Variants in ATP2A3 observed in about 807,000 individuals in gnomAD.
ATP2A3 encodes ATPase sarcoplasmic/endoplasmic reticulum Ca2+ transporting 3, also known as sarcoplasmic/endoplasmic reticulum calcium ATPase 3.
Under a neutral mutation model 106.8 loss-of-function variants are expected in ATP2A3, and 61 were observed. That is an observed-to-expected ratio of 0.57 (90% CI 0.46 to 0.71). The LOEUF (loss-of-function observed/expected upper bound fraction) is 0.71, where lower values mean the gene tolerates loss of function less well. Ranked by LOEUF, ATP2A3 falls within the 30% of genes least tolerant of loss-of-function variation. ATP2A3 has a pLI of 0.00. For missense variants in ATP2A3, 1,201 were observed against 1,423.5 expected, an observed-to-expected ratio of 0.84 and a Z score of 2.52; for synonymous variants, 611 against 609.3, an observed-to-expected ratio of 1.00 and a Z score of -0.04.
chr17:3,954,181 A>C (rs2054619514), intron 1 of ATP2A3, among the ~76,000 whole-genome samples: 1 of 152,032 alleles, frequency 6.6e-6, no homozygotes, highest in Admixed American at 6.6e-5. Flanking sequence ...CCTCAAATGG[A>C]GAACACCAGC....
Position 3,955,882 on chromosome 17 carries a change from A to AT in ATP2A3, c.119-2173dup, listed in dbSNP as rs1242154310. Among the ~76,000 whole-genome samples, 72 of 142,868 alleles carry AT rather than the reference A, an allele frequency of 5.0e-4. No homozygotes were observed. Among genetic ancestry groups the AT allele is most frequent in the African/African-American group, 1.4e-3 (54 of 39,040 alleles). 93.7% of individuals were successfully genotyped at this position (142,868 alleles called of 152,430 possible). On this transcript the variant is annotated intron_variant, in intron 1 of 20. Transcript: ENST00000397041. The surrounding 1 kb of genome is among the most constrained non-coding windows in gnomAD (Gnocchi z 4.2). ...GTTCTCCTTTCTCTTATTTTATTTT[A>AT]TTTTATTTTTTTTTTTTGAGATGGA... is the stretch of plus-strand genomic sequence containing the variant.
At chr17:3,943,627 G>C in intron 10 of ATP2A3, 105 bp from the exon 11 acceptor site, 1 of 1,561,446 alleles carries the variant, frequency 6.4e-7, no homozygotes, top group Non-Finnish European at 8.7e-7. Context: ...CTGGAGTTCC[G>C]TGTAACCTCC....
chr17:3,929,479 G>A lies in ATP2A3; in HGVS notation c.2745-34C>T, dbSNP rs781088336. The stretch of plus-strand genomic sequence containing the variant: ...GCACAGGGTGCTCCCCTTAGGCCGG[G>A]GTGCAGGGAGGCCCTGCCAGGCACC... On this transcript the variant is annotated intron_variant, in intron 18 of 20. Coordinates refer to ENST00000397041, the MANE Select transcript of ATP2A3 (RefSeq NM_005173.4). This position sits in a 1 kb window ranked among gnomAD's most constrained non-coding sequence, Gnocchi z 4.3. 2.8e-5 allele frequency: 43 copies of A among 1,550,232 alleles called. No homozygotes were observed. Among genetic ancestry groups the A allele is most frequent in the East Asian group, 4.7e-5 (2 of 42,406 alleles).
chr17:3,925,776 C>T lies in ATP2A3; in HGVS notation c.2981-335G>A, dbSNP rs1347601545. 1.3e-5 allele frequency among the ~76,000 whole-genome samples: 2 copies of T among 152,120 alleles called. No homozygotes were observed. Among genetic ancestry groups the T allele is most frequent in the African/African-American group, 2.4e-5 (1 of 41,420 alleles). On this transcript the variant is annotated intron_variant, in intron 20 of 20. Coordinates refer to ENST00000397041, the MANE Select transcript of ATP2A3 (RefSeq NM_005173.4). This position sits in a 1 kb window ranked among gnomAD's most constrained non-coding sequence, Gnocchi z 4.2. ...CAGGCTCATCCTTGCTTCTCTTGCC[C>T]ATCACACACACCCAGGCCTGATTTC...
chr17:3,950,897 G>A (rs1329224111), intron 5 of ATP2A3, 124 bp from the exon 6 acceptor site: 1 of 977,184 alleles, frequency 1.0e-6, no homozygotes, highest in East Asian at 2.6e-5. Context: ...GATCGCTCTG[G>A]TGACCCCTGC....
chr17:3,937,369 C>T, intron 15 of ATP2A3, 47 bp downstream of exon 15: 1 of 1,584,782 alleles, frequency 6.3e-7, no homozygotes, highest in Non-Finnish European at 8.6e-7. Flanking sequence ...ATCTCAGGGG[C>T]ACAGAGCGGA....
chr17:3,928,134 T>C lies in ATP2A3; in HGVS notation c.2980+529A>G. On this transcript the variant is annotated intron_variant, in intron 20 of 20. Transcript: ENST00000397041. The surrounding 1 kb of genome is among the most constrained non-coding windows in gnomAD (Gnocchi z 6.1). ...GCCCACTTCTCTCCAGCCCGACACC[T>C]GCCATCCTGTCCTCTCCACTCCGGG... 6.3e-7 allele frequency: 1 copy of C among 1,599,386 alleles called. No individual in the cohort carries two copies.
intron 12 of ATP2A3, 130 bp downstream of exon 12, chr17:3,942,476 A>G: frequency 2.2e-6 from 3 of 1,369,548 alleles, no homozygotes; most frequent in Non-Finnish European, 2.9e-6. Flanking sequence ...GGTTAGAGGC[A>G]AAAGGGGCTC....
Position 3,930,864 on chromosome 17 carries a change from A to C in ATP2A3, c.2611-430T>G. On this transcript the variant is annotated intron_variant, in intron 17 of 20. Transcript: ENST00000397041. This position sits in a 1 kb window ranked among gnomAD's most constrained non-coding sequence, Gnocchi z 5.4. Reference sequence around the variant, plus strand: ...GTTCACTGTTATTAAGATTCCATTTACAGCTGGGCGTGGTGGCTCATGCCT... The same window carrying C: ...GTTCACTGTTATTAAGATTCCATTTCCAGCTGGGCGTGGTGGCTCATGCCT... The C allele has an allele frequency of 3.3e-6, 1 of 301,766 alleles. No homozygotes were observed. The highest frequency in any genetic ancestry group is 6.5e-6 in the Non-Finnish European group (1 of 153,248). The allele number at this position is 301,766 out of a possible 1,614,324, so 18.7% of individuals were successfully genotyped here.
In ATP2A3 at chr17:3,930,037, C is replaced by T. The variant is rs1423479828; in HGVS notation, c.2744+264G>A. 6.6e-6 allele frequency among the ~76,000 whole-genome samples: 1 copy of T among 151,490 alleles called. No individual in the cohort carries two copies. The highest frequency in any genetic ancestry group is 1.5e-5 in the Non-Finnish European group (1 of 67,838). ...CCTCTGGACCCCAATCCTGGACCCC[C>T]TTGAACCTCTGATCCCAATCCTGAA... On this transcript the variant is annotated intron_variant, in intron 18 of 20. Transcript: ENST00000397041. The surrounding 1 kb of genome is among the most constrained non-coding windows in gnomAD (Gnocchi z 5.4).
At chr17:3,946,553 T>C (rs1325397182) in intron 8 of ATP2A3, among the ~76,000 whole-genome samples, 2 of 151,716 alleles carry the variant, frequency 1.3e-5, no homozygotes, top group Non-Finnish European at 2.9e-5. Flanking sequence ...AATGAGACTC[T>C]GCCTCAAAAA....
At chr17:3,935,779 C>T (rs2053410388) in intron 16 of ATP2A3, among the ~76,000 whole-genome samples, 1 of 152,126 alleles carries the variant, frequency 6.6e-6, no homozygotes, top group South Asian at 2.1e-4. Context: ...CTCAGGTGAT[C>T]TGCCTGCCTC....
chr17:3,937,151 T>C (rs2053494204), intron 15 of ATP2A3: 1 of 533,812 alleles, frequency 1.9e-6, no homozygotes, highest in African/African-American at 1.9e-5. Flanking sequence ...AAGTGGGAAG[T>C]TCATGGCTGG....
Position 3,935,183 on chromosome 17 carries a change from C to T in ATP2A3, c.2610+9G>A, listed in dbSNP as rs1350393035. 2.5e-6 allele frequency: 4 copies of T among 1,613,884 alleles called. No individual in the cohort carries two copies. The highest frequency in any genetic ancestry group is 1.3e-5 in the African/African-American group (1 of 74,938). Reference sequence around the variant, plus strand: ...AGTTCAACAGGCTCCCTGGCCAGCCCTTGCTCACCAGCTGGTAGAAGTTGA... The same window carrying T: ...AGTTCAACAGGCTCCCTGGCCAGCCTTTGCTCACCAGCTGGTAGAAGTTGA... On this transcript the variant is annotated intron_variant, in intron 17 of 20. Transcript: ENST00000397041.
At chr17:3,937,297 G>C (rs887723341) in intron 15 of ATP2A3, 119 bp downstream of exon 15, 1 of 1,222,428 alleles carries the variant, frequency 8.2e-7, no homozygotes, top group Non-Finnish European at 1.2e-6. Flanking sequence ...GAAAGCCCCA[G>C]CCAGGGCAGG....
chr17:3,944,539 G>A (rs532951221), intron 10 of ATP2A3, among the ~76,000 whole-genome samples, 165 bp downstream of exon 10: 7 of 152,246 alleles, frequency 4.6e-5, no homozygotes, highest in South Asian at 2.1e-4. Context: ...CCTGTCTGCG[G>A]AAAGGGAGGG....
rs2053439752 is a variant in ATP2A3 at position 3,936,342 on chromosome 17, T to C, written c.2449A>G (p.Met817Val). The C allele has an allele frequency of 1.2e-6, 2 of 1,613,864 alleles. No homozygotes were observed. Among genetic ancestry groups the C allele is most frequent in the Admixed American group, 1.7e-5 (1 of 59,990 alleles). Residue 817 changes from methionine (M) to valine (V), a missense_variant, in exon 16 of 21, where the codon ATG (methionine) becomes GTG (valine). Physicochemically the swap from Met to Val is conservative, Grantham distance 21. Transcript: ENST00000397041. The surrounding 1 kb of genome is among the most constrained non-coding windows in gnomAD (Gnocchi z 5.4). ...CGGGGGCTCCGGGGCAGCTTCTCCA[T>C]GATGTCCAGGTCTGGCGGGTTGAAG... ...LGFNPPDLDI[M>V]EKLPRSPREA...
At position 3,943,673 on chromosome 17, in the gene ATP2A3, G is replaced by T. The variant is rs533950628; in HGVS notation, c.1288-151C>A. On this transcript the variant is annotated intron_variant, in intron 10 of 20. Coordinates refer to ENST00000397041, the MANE Select transcript of ATP2A3 (RefSeq NM_005173.4). ...CCCGTGAGCCCTTCCCAGCCTGGCCGCCCTGGGGTCGGGGTGGTGTCTGAC... is the reference window on the plus strand; with the variant it reads ...CCCGTGAGCCCTTCCCAGCCTGGCCTCCCTGGGGTCGGGGTGGTGTCTGAC... The T allele has an allele frequency of 1.2e-4, 150 of 1,269,306 alleles. 1 individual carries two copies. The Middle Eastern group carries it at 1.7e-3, about 15-fold the overall frequency. The allele number at this position is 1,269,306 out of a possible 1,614,324, so 78.6% of individuals were successfully genotyped here. A position where few individuals can be genotyped will look rare whatever the true frequency, so the allele number is the denominator to read the frequency against.
chr17:3,960,203 G>A (rs993483656), intron 1 of ATP2A3, among the ~76,000 whole-genome samples: 6 of 152,180 alleles, frequency 3.9e-5, no homozygotes, highest in African/African-American at 1.2e-4. Context: ...CACTCAGATG[G>A]CCCCCTCTTC....
Sources: gnomAD v4.1 joint callset for allele counts (sites outside exome capture counted in the v4.1 genomes callset) on GRCh38, gnomAD v4.1.1 for gene constraint, Gnocchi (gnomAD v3.1) non-coding constraint, MANE v1.5 for transcripts, NCBI Gene and HGNC (gene_info 2026-07-23, HGNC 2026-07-21) for gene names.